Variants in LMX1B observed in about 807,000 individuals in gnomAD.
The protein encoded by LMX1B is LIM homeobox transcription factor 1 beta.
Under a neutral mutation model 51.4 loss-of-function variants are expected in LMX1B, and 12 were observed. The ratio of observed to expected loss-of-function variants is 0.23; its 90% CI spans 0.15 to 0.38. The LOEUF is 0.38. Ranked by LOEUF, LMX1B falls within the 10% of genes least tolerant of loss-of-function variation. The probability of loss-of-function intolerance (pLI) is 1.00; values close to 1 mark genes in which losing one functional copy is unlikely to be tolerated. For missense variants in LMX1B, 445 were observed against 571.1 expected (o/e 0.78, Z 2.25); for synonymous variants, 237 against 235.4 (o/e 1.01, Z -0.06).
At chr9:126,680,494 A>G (rs1385845959) in intron 2 of LMX1B, among the ~76,000 whole-genome samples, 1 of 152,248 alleles carries the variant, frequency 6.6e-6, no homozygotes, top group Non-Finnish European at 1.5e-5. Flanking sequence ...GGCAACAGTC[A>G]ATACATCTTA....
chr9:126,659,072 C>T (rs893899405), intron 2 of LMX1B, among the ~76,000 whole-genome samples: 2 of 152,346 alleles, frequency 1.3e-5, no homozygotes, highest in Non-Finnish European at 2.9e-5. Context: ...GGCATGCAGA[C>T]GCTCAGACGC....
chr9:126,615,664 C>T lies in LMX1B; in HGVS notation c.326+95C>T. The T allele has an allele frequency of 8.3e-7, 1 of 1,202,414 alleles. No individual in the cohort carries two copies. Among genetic ancestry groups the T allele is most frequent in the South Asian group, 1.5e-5 (1 of 68,560 alleles). The allele number at this position is 1,202,414 out of a possible 1,614,324, so 74.5% of individuals were successfully genotyped here. A position where few individuals can be genotyped will look rare whatever the true frequency, so the allele number is the denominator to read the frequency against. On this transcript the variant is annotated intron_variant, in intron 2 of 7. Coordinates refer to ENST00000373474, the MANE Select transcript of LMX1B (RefSeq NM_001174147.2). This position sits in a 1 kb window ranked among gnomAD's most constrained non-coding sequence, Gnocchi z 6.0. ...CGGCCCGCGCCCGCTCTGCCGCCGGCTCTGTGCGCGGCTGGGCCGGGCAGC... is the reference window on the plus strand; with the variant it reads ...CGGCCCGCGCCCGCTCTGCCGCCGGTTCTGTGCGCGGCTGGGCCGGGCAGC...
At chr9:126,675,323 T>G (rs1316589305) in intron 2 of LMX1B, among the ~76,000 whole-genome samples, 1 of 152,160 alleles carries the variant, frequency 6.6e-6, no homozygotes, top group Non-Finnish European at 1.5e-5. Flanking sequence ...GACCGATGGC[T>G]AGGCATGGGG....
intron 2 of LMX1B, among the ~76,000 whole-genome samples, chr9:126,646,193 A>C (rs1459947401): frequency 6.6e-6 from 1 of 152,154 alleles, no homozygotes; most frequent in Non-Finnish European, 1.5e-5. Flanking sequence ...ATATGAAGTG[A>C]CATGTCAGGG....
At chr9:126,630,261 A>AGT (rs1443420927) in intron 2 of LMX1B, among the ~76,000 whole-genome samples, 1 of 151,408 alleles carries the variant, frequency 6.6e-6, no homozygotes, top group African/African-American at 2.4e-5. Flanking sequence ...CCACACAGCC[A>AGT]GTGGGGGGCT....
intron 2 of LMX1B, among the ~76,000 whole-genome samples, chr9:126,672,990 G>A (rs1296242129): frequency 1.3e-5 from 2 of 152,224 alleles, no homozygotes; most frequent in Non-Finnish European, 1.5e-5. Flanking sequence ...TGGACTCCTC[G>A]CCCACACAAA....
At chr9:126,683,180 C>T (rs1284763314) in intron 2 of LMX1B, among the ~76,000 whole-genome samples, 1 of 150,918 alleles carries the variant, frequency 6.6e-6, no homozygotes, top group African/African-American at 2.4e-5. Flanking sequence ...GCGAGGAGGC[C>T]GGGGGAGGCC....
At chr9:126,687,255 GTC>G (rs1388132511) in intron 2 of LMX1B, among the ~76,000 whole-genome samples, 5 of 151,258 alleles carry the variant, frequency 3.3e-5, no homozygotes, top group Non-Finnish European at 7.4e-5. Flanking sequence ...TTGAGACGGA[GTC>G]TCTCTCTGTC....
intron 3 of LMX1B, among the ~76,000 whole-genome samples, chr9:126,691,661 G>C (rs1433077685): frequency 1.3e-5 from 2 of 151,940 alleles, no homozygotes; most frequent in Non-Finnish European, 2.9e-5. Context: ...CCGCAGCCCA[G>C]CTCCACAGGG....
intron 2 of LMX1B, among the ~76,000 whole-genome samples, chr9:126,643,530 A>G (rs935949472): frequency 6.6e-6 from 1 of 152,150 alleles, no homozygotes; most frequent in African/African-American, 2.4e-5. Flanking sequence ...AGATTTAGTG[A>G]TATCCTGTTT....
chr9:126,658,381 C>G lies in LMX1B; in HGVS notation c.327-32455C>G, dbSNP rs1325238124. The stretch of plus-strand genomic sequence containing the variant: ...AGCCTCAAATTCGGCTGGCCCTCCC[C>G]CTGGCTGCCGGGCCCGGGCACCCCT... On this transcript the variant is annotated intron_variant, in intron 2 of 7. Transcript: ENST00000373474. This position sits in a 1 kb window ranked among gnomAD's most constrained non-coding sequence, Gnocchi z 4.0. 6.7e-6 allele frequency among the ~76,000 whole-genome samples: 1 copy of G among 149,988 alleles called. No individual in the cohort carries two copies. Among genetic ancestry groups the G allele is most frequent in the Non-Finnish European group, 1.5e-5 (1 of 67,632 alleles).
rs1221387037 is a variant in LMX1B, at chr9:126,695,221, C to A, written c.887-618C>A. 6.6e-6 allele frequency among the ~76,000 whole-genome samples: 1 copy of A among 152,168 alleles called. No individual in the cohort carries two copies. Among genetic ancestry groups the A allele is most frequent in the Non-Finnish European group, 1.5e-5 (1 of 68,026 alleles). ...CCTTTCTCACCCTCGTCTACCAAAC[C>A]CTCCAGCGGCTCCCAGCGGCCTCGG... is the stretch of plus-strand genomic sequence containing the variant. On this transcript the variant is annotated intron_variant, in intron 6 of 7. Coordinates refer to ENST00000373474, the MANE Select transcript of LMX1B (RefSeq NM_001174147.2). This position sits in a 1 kb window ranked among gnomAD's most constrained non-coding sequence, Gnocchi z 5.2.
chr9:126,666,395 G>A (rs1403283896), intron 2 of LMX1B, among the ~76,000 whole-genome samples: 2 of 152,192 alleles, frequency 1.3e-5, no homozygotes, highest in African/African-American at 4.8e-5. Context: ...TGAGCCAGGT[G>A]ACAGAGGCTG....
At chr9:126,647,033 G>T (rs1835915239) in intron 2 of LMX1B, among the ~76,000 whole-genome samples, 1 of 152,158 alleles carries the variant, frequency 6.6e-6, no homozygotes, top group African/African-American at 2.4e-5. Context: ...TCACTCTTTT[G>T]ACCAAATATT....
intron 2 of LMX1B, among the ~76,000 whole-genome samples, chr9:126,650,670 C>G (rs1835985264): frequency 1.3e-5 from 2 of 152,234 alleles, no homozygotes; most frequent in African/African-American, 4.8e-5. Flanking sequence ...CTCAGGCCAG[C>G]CCCTCTCCCT....
chr9:126,638,954 G>A (rs1210660098), intron 2 of LMX1B, among the ~76,000 whole-genome samples: 37 of 152,154 alleles, frequency 2.4e-4, no homozygotes, highest in Admixed American at 2.4e-3. Flanking sequence ...GACTGAGGGA[G>A]GGGCGGATAG....
In LMX1B at chr9:126,658,509, A is replaced by G. The variant is rs1331465606; in HGVS notation, c.327-32327A>G. Among the ~76,000 whole-genome samples, 1 of 152,166 alleles carries G rather than the reference A, an allele frequency of 6.6e-6. No homozygotes were observed. Among genetic ancestry groups the G allele is most frequent in the African/African-American group, 2.4e-5 (1 of 41,434 alleles). On this transcript the variant is annotated intron_variant, in intron 2 of 7. Transcript: ENST00000373474. This position sits in a 1 kb window ranked among gnomAD's most constrained non-coding sequence, Gnocchi z 4.0. ...GGGAAGGACTAATTAGATATAATTC[A>G]TTATCCTCAAAAATGAGATCAGAAA...
intron 2 of LMX1B, among the ~76,000 whole-genome samples, chr9:126,666,547 G>A: frequency 6.8e-6 from 1 of 147,570 alleles, no homozygotes; most frequent in East Asian, 2.0e-4. Context: ...AAGGAAGAAG[G>A]GAAGTGAGAA....
chr9:126,679,556 A>G (rs1275258088), intron 2 of LMX1B, among the ~76,000 whole-genome samples: 1 of 151,874 alleles, frequency 6.6e-6, no homozygotes, highest in Non-Finnish European at 1.5e-5. Flanking sequence ...AGATGAGTGG[A>G]TGTATGGGTG....
Sources: gnomAD v4.1 joint callset for allele counts (sites outside exome capture counted in the v4.1 genomes callset) on GRCh38, gnomAD v4.1.1 for gene constraint, Gnocchi (gnomAD v3.1) non-coding constraint, MANE v1.5 for transcripts, NCBI Gene and HGNC (gene_info 2026-07-23, HGNC 2026-07-21) for gene names.